Variants in FLVCR1 observed in about 807,000 individuals in gnomAD.
The protein encoded by FLVCR1 is choline/ethanolamine transporter FLVCR1.
FLVCR1 carries 34 observed loss-of-function variants against 53.6 expected under a neutral mutation model. The ratio of observed to expected loss-of-function variants is 0.63; its 90% CI spans 0.48 to 0.84. The LOEUF is 0.84. Among genes scored for constraint, FLVCR1 ranks in the 40% least tolerant of loss-of-function variants. The pLI is 0.00. For missense variants in FLVCR1, 677 were observed against 696.7 expected (o/e 0.97, Z 0.32); for synonymous variants, 300 against 286.3 (o/e 1.05, Z -0.48).
chr1:212,879,715 C>G (rs1298286191), intron 3 of FLVCR1, among the ~76,000 whole-genome samples: 2 of 152,006 alleles, frequency 1.3e-5, no homozygotes, highest in African/African-American at 4.8e-5. Context: ...ACTACTATGC[C>G]CAGCTAATTT....
chr1:212,889,136 T>C lies in FLVCR1; in HGVS notation c.1414-10T>C. The C allele has an allele frequency of 1.3e-6, 2 of 1,538,952 alleles. No homozygotes were observed. Among genetic ancestry groups the C allele is most frequent in the South Asian group, 2.2e-5 (2 of 89,434 alleles). ...CTTAATAACGAATGATTTTTCTTAT[T>C]GTATTTTAGATATTTGGAATTTTGT... is the stretch of plus-strand genomic sequence containing the variant. On this transcript the variant is annotated splice_polypyrimidine_tract_variant and intron_variant, in intron 7 of 9. Transcript: ENST00000366971.
At chr1:212,868,017 A>T (rs1393477555) in intron 2 of FLVCR1, among the ~76,000 whole-genome samples, 1 of 151,982 alleles carries the variant, frequency 6.6e-6, no homozygotes, top group Non-Finnish European at 1.5e-5. Flanking sequence ...GTTAGCCAGG[A>T]TGGTCTCGAT....
At chr1:212,888,068 G>T in intron 6 of FLVCR1, 67 bp downstream of exon 6, 2 of 964,226 alleles carry the variant, frequency 2.1e-6, no homozygotes. Context: ...TTATTACTCT[G>T]GTCTTTAATT....
At position 212,894,967 on chromosome 1, in the gene FLVCR1, T is replaced by A; in HGVS notation, c.1526-19T>A. The A allele has an allele frequency of 1.3e-6, 2 of 1,569,528 alleles. No individual in the cohort carries two copies. Among genetic ancestry groups the A allele is most frequent in the Non-Finnish European group, 1.8e-6 (2 of 1,139,466 alleles). ...CTTCACATAACAGTTTATAGTAACT[T>A]GATGCCCCTCTGTTTCAGCATTAAT... On this transcript the variant is annotated intron_variant, in intron 8 of 9. Coordinates refer to ENST00000366971, the MANE Select transcript of FLVCR1 (RefSeq NM_014053.4).
chr1:212,895,913 C>T lies in FLVCR1; in HGVS notation c.*623C>T, dbSNP rs1665321442. On this transcript the variant is annotated 3_prime_UTR_variant, in exon 10 of 10. Transcript: ENST00000366971. ...GTTACAAAGTACTTTTTAACACATGCAGTCAATGGCTATAAAAACTATTCT... is the reference window on the plus strand; with the variant it reads ...GTTACAAAGTACTTTTTAACACATGTAGTCAATGGCTATAAAAACTATTCT... The T allele has an allele frequency of 6.5e-6, 1 of 154,160 alleles. No individual in the cohort carries two copies. The highest frequency in any genetic ancestry group is 6.4e-5 in the Admixed American group (1 of 15,664). The allele number at this position is 154,160 out of a possible 1,614,324, so 9.5% of individuals were successfully genotyped here. A position where few individuals can be genotyped will look rare whatever the true frequency, so the allele number is the denominator to read the frequency against.
rs1025722221 is a variant in FLVCR1, at chr1:212,894,022, C to T, written c.1526-964C>T. 9.2e-5 allele frequency among the ~76,000 whole-genome samples: 14 copies of T among 151,976 alleles called. No homozygotes were observed. The East Asian group carries it at 1.7e-3, about 19-fold the overall frequency. On this transcript the variant is annotated intron_variant, in intron 8 of 9. Transcript: ENST00000366971. Reference sequence around the variant, plus strand: ...AACTCCTGACCTCAAGTGATCCACCCGCCTCGGCCTCTCAAAGTGCTAGGA... The same window carrying T: ...AACTCCTGACCTCAAGTGATCCACCTGCCTCGGCCTCTCAAAGTGCTAGGA...
Position 212,887,876 on chromosome 1 carries a change from T to C in FLVCR1, c.1197-15T>C. ...ATCAGACAAAATACTAACAGCTTTG[T>C]TGTTTTTGTTTTAGACAGACTACTC... On this transcript the variant is annotated splice_polypyrimidine_tract_variant and intron_variant, in intron 5 of 9. Coordinates refer to ENST00000366971, the MANE Select transcript of FLVCR1 (RefSeq NM_014053.4). The C allele has an allele frequency of 7.7e-7, 1 of 1,300,210 alleles. No homozygotes were observed. The highest frequency in any genetic ancestry group is 1.1e-6 in the Non-Finnish European group (1 of 896,394). The allele number at this position is 1,300,210 out of a possible 1,614,324, so 80.5% of individuals were successfully genotyped here. A position where few individuals can be genotyped will look rare whatever the true frequency, so the allele number is the denominator to read the frequency against.
chr1:212,881,130 C>T (rs544681478), intron 3 of FLVCR1, among the ~76,000 whole-genome samples: 3 of 152,160 alleles, frequency 2.0e-5, no homozygotes, highest in African/African-American at 7.2e-5. Flanking sequence ...GGTAAATTGT[C>T]CCAGGATAAT....
In FLVCR1 at chr1:212,896,853, A is replaced by C. The variant is rs1433438238; in HGVS notation, c.*1563A>C. The C allele has an allele frequency of 2.2e-5, 2 of 89,964 alleles. No homozygotes were observed. Among genetic ancestry groups the C allele is most frequent in the African/African-American group, 9.7e-5 (2 of 20,604 alleles). 5.6% of individuals were successfully genotyped at this position (89,964 alleles called of 1,614,324 possible). On this transcript the variant is annotated 3_prime_UTR_variant, in exon 10 of 10. Transcript: ENST00000366971. Reference sequence around the variant, plus strand: ...GCCAACATGGTAAAACCCCATCTCTACTAAAAAAAAAAAAAAAAAAAAAAA... The same window carrying C: ...GCCAACATGGTAAAACCCCATCTCTCCTAAAAAAAAAAAAAAAAAAAAAAA...
intron 3 of FLVCR1, among the ~76,000 whole-genome samples, chr1:212,881,292 T>C (rs1664918977): frequency 1.5e-5 from 2 of 135,770 alleles, no homozygotes; most frequent in Admixed American, 9.0e-5. Flanking sequence ...TCCCAAAGAA[T>C]TTCTTTGTCT....
intron 2 of FLVCR1, among the ~76,000 whole-genome samples, chr1:212,864,188 C>T (rs895710336): frequency 2.0e-5 from 3 of 152,204 alleles, no homozygotes; most frequent in Admixed American, 1.3e-4. Context: ...TCTTATGCCT[C>T]TTATGCCTAC....
intron 2 of FLVCR1, among the ~76,000 whole-genome samples, chr1:212,867,269 A>C (rs1363114068): frequency 6.6e-5 from 10 of 152,186 alleles, no homozygotes; most frequent in Admixed American, 6.6e-4. Flanking sequence ...ATTCCACTGA[A>C]TTTCACACTA....
intron 3 of FLVCR1, among the ~76,000 whole-genome samples, chr1:212,881,302 T>TA (rs386369568): frequency 3.6e-4 from 6 of 16,874 alleles, no homozygotes; most frequent in Admixed American, 1.3e-3. Context: ...TTTCTTTGTC[T>TA]TTTTTTTTTT....
Position 212,866,876 on chromosome 1 carries a change from C to A in FLVCR1, c.883+3007C>A, listed in dbSNP as rs189307890. On this transcript the variant is annotated intron_variant, in intron 2 of 9. Transcript: ENST00000366971. ...CATATTATAAAAGCAAGATAGTATA[C>A]AGCTGTGATATGAAAGTCTTAAGTT... Among the ~76,000 whole-genome samples, 4 of 152,248 alleles carry A rather than the reference C, an allele frequency of 2.6e-5. No individual in the cohort carries two copies. The East Asian group carries it at 5.8e-4, about 22-fold the overall frequency.
Position 212,888,601 on chromosome 1 carries a change from C to T in FLVCR1, c.1413+7C>T, listed in dbSNP as rs1665116394. ...TCTTAATGCTTCTGCACAGGTAAAC[C>T]TCTGATTTCTCTAAACCTGAGATGA... On this transcript the variant is annotated splice_region_variant and intron_variant, in intron 7 of 9. Coordinates refer to ENST00000366971, the MANE Select transcript of FLVCR1 (RefSeq NM_014053.4). 1 of 1,530,202 alleles carries T rather than the reference C, an allele frequency of 6.5e-7. No individual in the cohort carries two copies. 94.8% of individuals were successfully genotyped at this position (1,530,202 alleles called of 1,614,324 possible). A position where few individuals can be genotyped will look rare whatever the true frequency, so the allele number is the denominator to read the frequency against.
At chr1:212,876,012 G>A (rs901778898) in intron 3 of FLVCR1, among the ~76,000 whole-genome samples, 42 of 151,442 alleles carry the variant, frequency 2.8e-4, no homozygotes, top group African/African-American at 9.7e-4. Flanking sequence ...TCAGCTTCCC[G>A]AGTAGCTGAG....
At chr1:212,863,640 C>A in intron 1 of FLVCR1, 85 bp from the exon 2 acceptor site, 3 of 1,166,836 alleles carry the variant, frequency 2.6e-6, no homozygotes, top group Non-Finnish European at 3.9e-6. Flanking sequence ...TAAACACTAG[C>A]TGTCCTCTTT....
intron 8 of FLVCR1, among the ~76,000 whole-genome samples, chr1:212,892,289 G>A (rs1251549629): frequency 3.9e-5 from 6 of 152,236 alleles, no homozygotes; most frequent in African/African-American, 1.4e-4. Context: ...TAGCTAGAGA[G>A]GAGGAATCAA....
chr1:212,879,136 A>G (rs1382549454), intron 3 of FLVCR1, among the ~76,000 whole-genome samples: 1 of 152,246 alleles, frequency 6.6e-6, no homozygotes, highest in Non-Finnish European at 1.5e-5. Context: ...ATCAAATGCC[A>G]GTTGTAGATT....
Sources: allele counts gnomAD v4.1 joint callset (sites outside exome capture counted in the v4.1 genomes callset), GRCh38; gene constraint gnomAD v4.1.1; transcripts MANE v1.5; gene names NCBI Gene and HGNC (gene_info 2026-07-23, HGNC 2026-07-21).